Variants in MED12L observed in about 807,000 individuals in gnomAD.
The protein encoded by MED12L is mediator of RNA polymerase II transcription subunit 12-like protein.
In MED12L, 60 loss-of-function variants were observed where a neutral mutation model predicts 281.3. The observed-to-expected ratio is 0.21, with a 90% CI of 0.17 to 0.26. The LOEUF (loss-of-function observed/expected upper bound fraction) is 0.26, where lower values mean the gene tolerates loss of function less well. Ranked by LOEUF, MED12L falls within the 10% of genes least tolerant of loss-of-function variation. MED12L has a pLI of 1.00. For missense variants in MED12L, 2,146 were observed against 2,680.9 expected, an observed-to-expected ratio of 0.80 and a Z score of 4.41; for synonymous variants, 974 against 987.2, an observed-to-expected ratio of 0.99 and a Z score of 0.25.
intron 16 of MED12L, among the ~76,000 whole-genome samples, chr3:151,341,172 A>G (rs1172835357): frequency 1.3e-5 from 2 of 152,122 alleles, no homozygotes; most frequent in African/African-American, 2.4e-5. Flanking sequence ...TTAACTCAAA[A>G]TGCGTGCTGG....
chr3:151,403,269 A>G (rs1426079499), intron 39 of MED12L, among the ~76,000 whole-genome samples: 1 of 152,128 alleles, frequency 6.6e-6, no homozygotes, highest in South Asian at 2.1e-4. Flanking sequence ...ATAGAAACCA[A>G]TAGACATTCA....
chr3:151,257,434 G>A (rs964329478), intron 16 of MED12L, among the ~76,000 whole-genome samples: 2 of 152,056 alleles, frequency 1.3e-5, no homozygotes, highest in Admixed American at 6.5e-5. Context: ...TTAGAATACC[G>A]GCTGAGTTAC....
chr3:151,179,092 C>T (rs1722416424), intron 11 of MED12L, among the ~76,000 whole-genome samples: 2 of 152,132 alleles, frequency 1.3e-5, no homozygotes, highest in South Asian at 4.1e-4. Flanking sequence ...GTAATGCCAG[C>T]ACTTTGGAAA....
intron 16 of MED12L, chr3:151,213,412 A>C: frequency 6.2e-7 from 1 of 1,614,144 alleles, no homozygotes; most frequent in African/African-American, 1.3e-5. Flanking sequence ...GATTTCCCTA[A>C]ACGGCTGGCA....
At chr3:151,097,269 T>G (rs1183670355) in intron 2 of MED12L, among the ~76,000 whole-genome samples, 1 of 152,218 alleles carries the variant, frequency 6.6e-6, no homozygotes, top group Non-Finnish European at 1.5e-5. Context: ...TAAATGGATC[T>G]TTCTTAGTTG....
chr3:151,426,746 C>T (rs1256640013), intron 43 of MED12L, among the ~76,000 whole-genome samples: 3 of 151,612 alleles, frequency 2.0e-5, no homozygotes, highest in Non-Finnish European at 2.9e-5. Flanking sequence ...ACTTATGTTC[C>T]TGGAAGTAAC....
chr3:151,146,559 G>A (rs2148890775), intron 5 of MED12L, among the ~76,000 whole-genome samples: 1 of 152,076 alleles, frequency 6.6e-6, no homozygotes, highest in South Asian at 2.1e-4. Flanking sequence ...ATTTGATCTT[G>A]AGCTGCCTAC....
chr3:151,399,130 TG>T (rs1246618919), intron 39 of MED12L, among the ~76,000 whole-genome samples: 2 of 152,214 alleles, frequency 1.3e-5, no homozygotes, highest in African/African-American at 4.8e-5. Context: ...TATCTTTCTG[TG>T]CCTCAGAGTC....
chr3:151,198,342 GTT>G (rs11431846), intron 16 of MED12L: 926 of 688,292 alleles, frequency 1.3e-3, no homozygotes, highest in Non-Finnish European at 1.6e-3. Flanking sequence ...GTTTTTTTTT[GTT>G]TTTTTTTTTT....
At chr3:151,196,473 T>A in intron 16 of MED12L, among the ~76,000 whole-genome samples, 1 of 152,156 alleles carries the variant, frequency 6.6e-6, no homozygotes, top group Non-Finnish European at 1.5e-5. Flanking sequence ...ATCTGTCATA[T>A]GGGGCCCTAC....
chr3:151,146,872 C>T (rs1717825888), intron 5 of MED12L, among the ~76,000 whole-genome samples: 1 of 152,072 alleles, frequency 6.6e-6, no homozygotes, highest in African/African-American at 2.4e-5. Flanking sequence ...ACTATCTGAT[C>T]ATTCAGCAGA....
intron 6 of MED12L, among the ~76,000 whole-genome samples, chr3:151,157,896 GTTTC>G (rs1002266411): frequency 3.9e-5 from 6 of 151,974 alleles, no homozygotes; most frequent in African/African-American, 7.2e-5. Flanking sequence ...ACAGTTTTTT[GTTTC>G]TTTCTTTCAT....
At chr3:151,427,544 A>G (rs1015868418) in intron 43 of MED12L, among the ~76,000 whole-genome samples, 3 of 152,262 alleles carry the variant, frequency 2.0e-5, no homozygotes, top group African/African-American at 7.2e-5. Context: ...CAGGCTTTAA[A>G]TGAACATAAA....
At chr3:151,213,447 C>CA in intron 16 of MED12L, 2 of 1,614,114 alleles carry the variant, frequency 1.2e-6, no homozygotes, top group Non-Finnish European at 1.7e-6. Flanking sequence ...TAATAGGGTC[C>CA]AAGCATACAT....
intron 37 of MED12L, among the ~76,000 whole-genome samples, chr3:151,389,684 G>A (rs16863356): frequency 0.071 from 10,739 of 152,220 alleles, 538 homozygotes; most frequent in Middle Eastern, 0.18. Flanking sequence ...GATGAGTGTC[G>A]TTCAGTATTG....
At chr3:151,104,589 G>A (rs1193673146) in intron 2 of MED12L, among the ~76,000 whole-genome samples, 1 of 152,120 alleles carries the variant, frequency 6.6e-6, no homozygotes, top group Admixed American at 6.5e-5. Context: ...GGTTTTAGGG[G>A]GCAGTCTTGC....
chr3:151,360,929 C>G (rs1754529342), intron 21 of MED12L, among the ~76,000 whole-genome samples: 1 of 152,014 alleles, frequency 6.6e-6, no homozygotes, highest in African/African-American at 2.4e-5. Flanking sequence ...ACAGACAGTG[C>G]ATTTTAAGTA....
At chr3:151,138,759 T>A (rs1716504284) in intron 5 of MED12L, among the ~76,000 whole-genome samples, 1 of 152,208 alleles carries the variant, frequency 6.6e-6, no homozygotes, top group Non-Finnish European at 1.5e-5. Context: ...TCACCATGAC[T>A]TATGACTATT....
intron 16 of MED12L, among the ~76,000 whole-genome samples, chr3:151,341,363 T>C (rs76090747): frequency 0.013 from 1,959 of 152,250 alleles, 50 homozygotes; most frequent in African/African-American, 0.046. Flanking sequence ...ATATACTGTG[T>C]CGTTCATGCT....
Sources: allele counts gnomAD v4.1 joint callset (sites outside exome capture counted in the v4.1 genomes callset), GRCh38; gene constraint gnomAD v4.1.1; transcripts MANE v1.5; gene names NCBI Gene and HGNC (gene_info 2026-07-23, HGNC 2026-07-21).